PDE6B: variants seen among roughly 807,000 people sequenced by gnomAD.
PDE6B encodes phosphodiesterase 6B, also known as rod cGMP-specific 3',5'-cyclic phosphodiesterase subunit beta.
Under a neutral mutation model 109.0 loss-of-function variants are expected in PDE6B, and 106 were observed. The observed-to-expected ratio is 0.97, with a 90% CI of 0.83 to 1.14. The LOEUF is 1.14. Ranked by LOEUF, PDE6B falls within the 50% of genes most tolerant of loss-of-function variation. The probability of loss-of-function intolerance (pLI) is 0.00; values close to 1 mark genes in which losing one functional copy is unlikely to be tolerated. For synonymous variants in PDE6B, 490 were observed against 471.3 expected (o/e 1.04, Z -0.51); for missense variants, 1,193 against 1,155.6 (o/e 1.03, Z -0.47).
At position 626,592 on chromosome 4, in the gene PDE6B, C is replaced by T. The variant is rs1230818089; in HGVS notation, c.468+498C>T. ...GAGCCAGGGGAACCCCAAACTTCCACTGTGGCAGAAGCAGCTTTATCCCAT... is the reference window on the plus strand; with the variant it reads ...GAGCCAGGGGAACCCCAAACTTCCATTGTGGCAGAAGCAGCTTTATCCCAT... On this transcript the variant is annotated intron_variant, in intron 1 of 21. Transcript: ENST00000496514. The surrounding 1 kb of genome is among the most constrained non-coding windows in gnomAD (Gnocchi z 4.6). Among the ~76,000 whole-genome samples the T allele has an allele frequency of 6.6e-6, 1 of 152,238 alleles. No individual in the cohort carries two copies. The highest frequency in any genetic ancestry group is 2.4e-5 in the African/African-American group (1 of 41,464).
chr4:644,691 A>G (rs574020626), intron 3 of PDE6B, among the ~76,000 whole-genome samples: 1 of 151,700 alleles, frequency 6.6e-6, no homozygotes, highest in South Asian at 2.1e-4. Context: ...CACCACGCCC[A>G]CCTACTTTTT....
At chr4:653,324 G>A (rs1218929001) in intron 3 of PDE6B, 1 of 1,070,962 alleles carries the variant, frequency 9.3e-7, no homozygotes, top group Non-Finnish European at 1.1e-6. Context: ...CCTGGGGTGA[G>A]TCTGAGCCTG....
At position 648,308 on chromosome 4, in the gene PDE6B, AG is replaced by A. The variant is rs1735310121; in HGVS notation, c.712-5543del. 6.6e-6 allele frequency among the ~76,000 whole-genome samples: 1 copy of A among 152,076 alleles called. No homozygotes were observed. The highest frequency in any genetic ancestry group is 6.5e-5 in the Admixed American group (1 of 15,278). On this transcript the variant is annotated intron_variant, in intron 3 of 21. Transcript: ENST00000496514. This position sits in a 1 kb window ranked among gnomAD's most constrained non-coding sequence, Gnocchi z 4.5. ...CCAGACATTGCCCAGTCCTAGGAAAAGCTGTTTCTGGGTCTTGCCCTCCGAA... is the reference window on the plus strand; with the variant it reads ...CCAGACATTGCCCAGTCCTAGGAAAACTGTTTCTGGGTCTTGCCCTCCGAA...
intron 3 of PDE6B, among the ~76,000 whole-genome samples, chr4:639,314 A>T (rs71602488): frequency 0.029 from 4,355 of 147,814 alleles, 58 homozygotes; most frequent in Middle Eastern, 0.042. Flanking sequence ...CTGGGTAATT[A>T]TTTTTTTTTT....
At chr4:656,152 TTA>T in intron 7 of PDE6B, 91 bp from the exon 8 acceptor site, 8 of 1,063,292 alleles carry the variant, frequency 7.5e-6, no homozygotes, top group Non-Finnish European at 1.2e-5. Context: ...CTTTACCTAC[TTA>T]AAAGCTCACC....
rs557340193 is a variant in PDE6B at position 662,610 on chromosome 4, C to T, written c.1824C>T (p.Tyr608=). The T allele has an allele frequency of 4.1e-5, 65 of 1,601,862 alleles. No homozygotes were observed. The South Asian group carries it at 6.7e-4, about 17-fold the overall frequency. Residue 608 remains tyrosine, a synonymous_variant, in exon 14 of 22, where the codon TAC becomes TAT. Transcript: ENST00000496514. The surrounding 1 kb of genome is among the most constrained non-coding windows in gnomAD (Gnocchi z 4.3). The part of the protein sequence containing the change: ...DIDHRGTNNL[Y]QMKSQNPLAK... ...ACCACCGCGGCACCAACAACCTGTA[C>T]CAGATGAAGTAGGCACCTCAGGGCG... is the stretch of plus-strand genomic sequence containing the variant.
At position 670,089 on chromosome 4, in the gene PDE6B, A is replaced by G. The variant is rs137864502; in HGVS notation, c.2547A>G (p.Ser849=). 17 of 1,612,936 alleles carry G rather than the reference A, an allele frequency of 1.1e-5. No individual in the cohort carries two copies. The highest frequency in any genetic ancestry group is 1.6e-4 in the Middle Eastern group (1 of 6,076). Reference sequence around the variant, plus strand: ...ATGGCGGCCCAGCACCCAAGTCTTCAACCTGCTGTATCCTGTGAGCACTGG... The same window carrying G: ...ATGGCGGCCCAGCACCCAAGTCTTCGACCTGCTGTATCCTGTGAGCACTGG... ...ICNGGPAPKS[S]TCCIL is the part of the protein sequence containing the mutation. Residue 849 remains serine (S), a synonymous_variant, in exon 22 of 22, where the codon TCA becomes TCG. Coordinates refer to ENST00000496514, the MANE Select transcript of PDE6B (RefSeq NM_000283.4).
rs149356447 is a variant in PDE6B at position 626,803 on chromosome 4, G to T, written c.468+709G>T. Among the ~76,000 whole-genome samples the T allele has an allele frequency of 6.6e-6, 1 of 152,234 alleles. No individual in the cohort carries two copies. Among genetic ancestry groups the T allele is most frequent in the Admixed American group, 6.5e-5 (1 of 15,286 alleles). On this transcript the variant is annotated intron_variant, in intron 1 of 21. Transcript: ENST00000496514. This position sits in a 1 kb window ranked among gnomAD's most constrained non-coding sequence, Gnocchi z 4.6. The stretch of plus-strand genomic sequence containing the variant: ...GGGCAGACGCTTCCCGAGGACAGAG[G>T]CGGTCCTGGCGGGACTGGAGAACAA...
chr4:663,040 G>A lies in PDE6B; in HGVS notation c.1833-60G>A. 2.1e-6 allele frequency: 2 copies of A among 941,668 alleles called. No homozygotes were observed. The highest frequency in any genetic ancestry group is 3.5e-6 in the Non-Finnish European group (2 of 566,050). The allele number at this position is 941,668 out of a possible 1,614,324, so 58.3% of individuals were successfully genotyped here. ...GTGGGGCCCATCTGGGGGGGCTGCAGAGCGCAGGGTGGGCCAAGGGCAGGT... is the reference window on the plus strand; with the variant it reads ...GTGGGGCCCATCTGGGGGGGCTGCAAAGCGCAGGGTGGGCCAAGGGCAGGT... On this transcript the variant is annotated intron_variant, in intron 14 of 21. Coordinates refer to ENST00000496514, the MANE Select transcript of PDE6B (RefSeq NM_000283.4). The surrounding 1 kb of genome is among the most constrained non-coding windows in gnomAD (Gnocchi z 4.0).
At chr4:649,206 C>T (rs953960035) in intron 3 of PDE6B, among the ~76,000 whole-genome samples, 4 of 152,140 alleles carry the variant, frequency 2.6e-5, no homozygotes, top group African/African-American at 7.2e-5. Flanking sequence ...CCTTTTAATA[C>T]AGTGTTCTAG....
intron 1 of PDE6B, among the ~76,000 whole-genome samples, chr4:629,469 C>T (rs369848607): frequency 3.3e-5 from 5 of 152,370 alleles, no homozygotes; most frequent in African/African-American, 1.2e-4. Flanking sequence ...CGAACAGCCA[C>T]GGACCCCGCA....
At chr4:654,459 A>ATG in intron 5 of PDE6B, 1 of 603,170 alleles carries the variant, frequency 1.7e-6, no homozygotes, top group East Asian at 2.9e-5. Flanking sequence ...CACGTGTAGG[A>ATG]TGCGTGTGTG....
In PDE6B at chr4:653,926, C is replaced by T. The variant is rs767006704; in HGVS notation, c.786C>T (p.Tyr262=). 5.6e-6 allele frequency: 9 copies of T among 1,613,924 alleles called. No homozygotes were observed. The highest frequency in any genetic ancestry group is 7.6e-6 in the Non-Finnish European group (9 of 1,179,980). Residue 262 remains tyrosine (Y), a synonymous_variant, in exon 4 of 22, where the codon TAC becomes TAT. Coordinates refer to ENST00000496514, the MANE Select transcript of PDE6B (RefSeq NM_000283.4). ...DIERQFHKAF[Y]TVRAYLNCER... ...AGAGGCAGTTCCACAAGGCCTTCTACACGGTGCGGGCCTACCTCAACTGCG... is the reference window on the plus strand; with the variant it reads ...AGAGGCAGTTCCACAAGGCCTTCTATACGGTGCGGGCCTACCTCAACTGCG...
intron 21 of PDE6B, 34 bp downstream of exon 21, chr4:668,040 C>T (rs983032086): frequency 1.2e-5 from 19 of 1,595,522 alleles, no homozygotes; most frequent in African/African-American, 4.0e-5. Flanking sequence ...GGCAGGGACT[C>T]GGTGACTCTC....
chr4:657,577 G>T (rs1450680626), intron 10 of PDE6B, 83 bp downstream of exon 10: 11 of 1,443,690 alleles, frequency 7.6e-6, no homozygotes, highest in Non-Finnish European at 1.1e-5. Flanking sequence ...TCACCCAGGG[G>T]TCTCGGCTGT....
intron 10 of PDE6B, among the ~76,000 whole-genome samples, 190 bp from the exon 11 acceptor site, chr4:658,761 AC>A (rs557082487): frequency 2.3e-3 from 350 of 152,234 alleles, no homozygotes; most frequent in Non-Finnish European, 3.3e-3. Context: ...CCGAGAGAGG[AC>A]AGGTGGGAAA....
At position 644,525 on chromosome 4, in the gene PDE6B, G is replaced by GT. The variant is rs796455392; in HGVS notation, c.711+8564dup. 5.9e-5 allele frequency among the ~76,000 whole-genome samples: 9 copies of GT among 151,400 alleles called. 1 individual carries two copies. The highest frequency in any genetic ancestry group is 1.9e-4 in the East Asian group (1 of 5,190). On this transcript the variant is annotated intron_variant, in intron 3 of 21. Coordinates refer to ENST00000496514, the MANE Select transcript of PDE6B (RefSeq NM_000283.4). ...TGTCCATTCGAATAACAGTGTTTTT[G>GT]TTTTTTTTATTTTTATTTTTTTGAG...
chr4:664,889 T>C lies in PDE6B; in HGVS notation c.2138T>C (p.Met713Thr), dbSNP rs371322951. ...CCGGTTTGTGTCTGCAGGGCCATGA[T>C]GATGACAGCCTGCGACCTGTCTGCC... is the stretch of plus-strand genomic sequence containing the variant. ...TTRKEIVMAM[M>T]MTACDLSAIT... is the part of the protein sequence containing the mutation. The change falls in exon 18 of 22, where the codon ATG becomes ACG. Residue 713 changes from methionine (M) to threonine (T), a missense_variant. By Grantham distance (81) the Met-to-Thr change is moderately conservative. Coordinates refer to ENST00000496514, the MANE Select transcript of PDE6B (RefSeq NM_000283.4). The C allele has an allele frequency of 2.4e-5, 38 of 1,613,104 alleles. No homozygotes were observed. The highest frequency in any genetic ancestry group is 3.0e-5 in the Non-Finnish European group (35 of 1,179,898).
At position 662,587 on chromosome 4, in the gene PDE6B, C is replaced by T; in HGVS notation, c.1801C>T (p.His601Tyr). 2 of 1,611,852 alleles carry T rather than the reference C, an allele frequency of 1.2e-6. No homozygotes were observed. Among genetic ancestry groups the T allele is most frequent in the South Asian group, 1.1e-5 (1 of 91,064 alleles). The change falls in exon 14 of 22, where the codon CAC becomes TAC. Residue 601 changes from histidine to tyrosine, a missense_variant. Coordinates refer to ENST00000496514, the MANE Select transcript of PDE6B (RefSeq NM_000283.4). This position sits in a 1 kb window ranked among gnomAD's most constrained non-coding sequence, Gnocchi z 4.3. ...VTAGLCHDID[H>Y]RGTNNLYQMK... ...AGCCGGCCTGTGCCATGACATCGAC[C>T]ACCGCGGCACCAACAACCTGTACCA...
Sources: gnomAD v4.1 joint callset for allele counts (sites outside exome capture counted in the v4.1 genomes callset) on GRCh38, gnomAD v4.1.1 for gene constraint, Gnocchi (gnomAD v3.1) non-coding constraint, MANE v1.5 for transcripts, NCBI Gene and HGNC (gene_info 2026-07-23, HGNC 2026-07-21) for gene names.